The following AADAC variants were observed in gnomAD, a reference collection of about 807,000 sequenced individuals.
AADAC encodes the protein arylacetamide deacetylase (esterase).
A neutral mutation model predicts 22.7 loss-of-function variants in AADAC; 17 were observed. The observed-to-expected ratio is 0.75, with a 90% CI of 0.51 to 1.12. The LOEUF is 1.12. Among genes scored for constraint, AADAC ranks in the 50% most tolerant of loss-of-function variants. AADAC has a pLI of 0.00. For synonymous variants in AADAC, 167 were observed against 176.3 expected, an observed-to-expected ratio of 0.95 and a Z score of 0.42; for missense variants, 465 against 473.9, an observed-to-expected ratio of 0.98 and a Z score of 0.17.
Position 151,828,099 on chromosome 3 carries a change from T to A in AADAC, c.1127T>A (p.Phe376Tyr), listed in dbSNP as rs1716586788. The A allele has an allele frequency of 6.2e-7, 1 of 1,610,240 alleles. No individual in the cohort carries two copies. The highest frequency in any genetic ancestry group is 1.3e-5 in the African/African-American group (1 of 74,776). The change falls in exon 5 of 5, where the codon TTT becomes TAT. Residue 376 changes from phenylalanine (F) to tyrosine (Y), a missense_variant. Physicochemically the swap from Phe to Tyr is conservative, Grantham distance 22. Coordinates refer to ENST00000232892, the MANE Select transcript of AADAC (RefSeq NM_001086.3). ...NHVEDGFHGA[F>Y]SFLGLKISHR... Reference sequence around the variant, plus strand: ...GTTGAGGATGGATTCCATGGAGCATTTTCATTTCTGGGACTTAAAATTAGT... The same window carrying A: ...GTTGAGGATGGATTCCATGGAGCATATTCATTTCTGGGACTTAAAATTAGT...
Position 151,824,685 on chromosome 3 carries a change from C to T in AADAC, c.454C>T (p.His152Tyr). ...CAGCTACAGATTAGCACCTAAGTAT[C>T]ATTTCCCAATTCAATTTGAAGATGT... Reference protein sequence around the residue: ...STNYRLAPKYHFPIQFEDVYN... With the variant: ...STNYRLAPKYYFPIQFEDVYN... The change falls in exon 4 of 5, where the codon CAT becomes TAT. Residue 152 changes from histidine (H) to tyrosine (Y), a missense_variant. Coordinates refer to ENST00000232892, the MANE Select transcript of AADAC (RefSeq NM_001086.3). The T allele has an allele frequency of 6.3e-7, 1 of 1,581,526 alleles. No individual in the cohort carries two copies. The highest frequency in any genetic ancestry group is 8.6e-7 in the Non-Finnish European group (1 of 1,166,334).
chr3:151,817,805 T>C (rs1716056556), intron 2 of AADAC, among the ~76,000 whole-genome samples: 1 of 151,708 alleles, frequency 6.6e-6, no homozygotes, highest in Non-Finnish European at 1.5e-5. Context: ...GAGAAGAAAC[T>C]TTTTTTTTCT....
At chr3:151,827,098 C>G (rs1716527696) in intron 4 of AADAC, among the ~76,000 whole-genome samples, 1 of 151,582 alleles carries the variant, frequency 6.6e-6, no homozygotes, top group South Asian at 2.1e-4. Flanking sequence ...TATTTTTAGT[C>G]AAGACGGGTT....
At position 151,818,682 on chromosome 3, in the gene AADAC, A is replaced by G. The variant is rs2108027911; in HGVS notation, c.361+1094A>G. On this transcript the variant is annotated intron_variant, in intron 2 of 4. Transcript: ENST00000232892. ...ACAAGAGTAGATTACACATCCAATT[A>G]AGTTACAACTCACTGTGTATCAAGA... Among the ~76,000 whole-genome samples, 3 of 152,252 alleles carry G rather than the reference A, an allele frequency of 2.0e-5. No individual in the cohort carries two copies. In the Middle Eastern group the frequency reaches 0.01, roughly 518 times the overall value.
intron 2 of AADAC, among the ~76,000 whole-genome samples, chr3:151,819,055 A>G (rs1850964): frequency 0.19 from 28,564 of 151,894 alleles, 2,912 homozygotes; most frequent in Middle Eastern, 0.25. Flanking sequence ...CAGGCTTGAA[A>G]TTAAGCAAAT....
chr3:151,826,076 G>A (rs1244548274), intron 4 of AADAC, among the ~76,000 whole-genome samples: 1 of 151,866 alleles, frequency 6.6e-6, no homozygotes, highest in Non-Finnish European at 1.5e-5. Flanking sequence ...GCTGTTATTT[G>A]TTTTGTTAAT....
Position 151,820,429 on chromosome 3 carries a change from T to C in AADAC, c.408T>C (p.Leu136=). Residue 136 remains leucine, a synonymous_variant, in exon 3 of 5, where the codon CTT becomes CTC. Transcript: ENST00000232892. ...TGTCAAGATGGACAGCAGACAGACT[T>C]GATGCTGTCGTCGTATCAACCAAGT... is the stretch of plus-strand genomic sequence containing the variant. ...DLLSRWTADR[L]DAVVVSTNYR... 1 of 1,589,494 alleles carries C rather than the reference T, an allele frequency of 6.3e-7. No homozygotes were observed. Among genetic ancestry groups the C allele is most frequent in the Non-Finnish European group, 8.6e-7 (1 of 1,166,074 alleles).
chr3:151,822,384 G>A (rs1716287521), intron 3 of AADAC, among the ~76,000 whole-genome samples: 1 of 151,948 alleles, frequency 6.6e-6, no homozygotes, highest in Admixed American at 6.6e-5. Flanking sequence ...AACCTTAAAA[G>A]TGGAAGCAAC....
At chr3:151,826,710 T>A (rs1433531640) in intron 4 of AADAC, among the ~76,000 whole-genome samples, 2 of 151,928 alleles carry the variant, frequency 1.3e-5, no homozygotes, top group Non-Finnish European at 2.9e-5. Context: ...GGTATTGGTA[T>A]ATCCCTCTTT....
At chr3:151,823,523 T>C (rs190061348) in intron 3 of AADAC, among the ~76,000 whole-genome samples, 44 of 152,072 alleles carry the variant, frequency 2.9e-4, no homozygotes, top group African/African-American at 9.6e-4. Context: ...TATGAAAATG[T>C]ACTGTATACA....
At chr3:151,826,925 A>AT (rs1202119985) in intron 4 of AADAC, among the ~76,000 whole-genome samples, 1 of 151,704 alleles carries the variant, frequency 6.6e-6, no homozygotes, top group Non-Finnish European at 1.5e-5. Flanking sequence ...TTAATAATAT[A>AT]TTTTTTTGAG....
intron 1 of AADAC, among the ~76,000 whole-genome samples, chr3:151,815,019 T>G (rs1391174133): frequency 6.6e-6 from 1 of 152,090 alleles, no homozygotes; most frequent in Admixed American, 6.5e-5. Context: ...TTTGCATTTA[T>G]TCAACAATTC....
intron 2 of AADAC, among the ~76,000 whole-genome samples, chr3:151,818,831 A>G (rs1005959263): frequency 6.6e-6 from 1 of 152,062 alleles, no homozygotes; most frequent in African/African-American, 2.4e-5. Context: ...AAAGACAAAA[A>G]CATTTAGAAG....
In AADAC at chr3:151,827,863, T is replaced by A. The variant is rs1303900935; in HGVS notation, c.891T>A (p.Tyr297Ter). 6.2e-7 allele frequency: 1 copy of A among 1,613,036 alleles called. No homozygotes were observed. Among genetic ancestry groups the A allele is most frequent in the Non-Finnish European group, 8.5e-7 (1 of 1,179,526 alleles). Residue 297 changes from tyrosine to a stop codon, truncating the protein, a stop_gained, in exon 5 of 5, where the codon TAT (tyrosine) becomes TAA (stop). Coordinates refer to ENST00000232892, the MANE Select transcript of AADAC (RefSeq NM_001086.3). LOFTEE classifies it low-confidence loss of function (END_TRUNC). ...AGAGGTTTATAAAAGGACATGTTTA[T>A]AACAATCCAAATTATGGCAGTTCTG... Reference protein sequence around the residue: ...LPERFIKGHVYNNPNYGSSEL... With the variant: ...LPERFIKGHV
intron 1 of AADAC, among the ~76,000 whole-genome samples, chr3:151,815,143 A>T (rs1715930151): frequency 6.6e-6 from 1 of 152,042 alleles, no homozygotes; most frequent in South Asian, 2.1e-4. Context: ...TTAGTTCATG[A>T]GAAGTACCTT....
Position 151,827,986 on chromosome 3 carries a change from C to G in AADAC, c.1014C>G (p.Ile338Met). The G allele has an allele frequency of 6.2e-7, 1 of 1,613,020 alleles. No homozygotes were observed. The highest frequency in any genetic ancestry group is 8.5e-7 in the Non-Finnish European group (1 of 1,179,338). ...KLRGLPLTYV[I>M]TCQYDLLRDD... ...GTGGCTTACCCCTGACCTATGTCAT[C>G]ACCTGTCAATATGATCTCTTAAGAG... Residue 338 changes from isoleucine to methionine, a missense_variant, in exon 5 of 5, where the codon ATC becomes ATG. By Grantham distance (10) the Ile-to-Met change is conservative (BLOSUM62 1). Transcript: ENST00000232892.
In AADAC at chr3:151,820,516, C is replaced by CTTTTTTT. The variant is rs34039248; in HGVS notation, c.431+77_431+83dup. 607 of 412,666 alleles carry CTTTTTTT rather than the reference C, an allele frequency of 1.5e-3. 1 individual carries two copies. Among genetic ancestry groups the CTTTTTTT allele is most frequent in the South Asian group, 2.8e-3 (58 of 20,694 alleles). 25.6% of individuals were successfully genotyped at this position (412,666 alleles called of 1,614,324 possible). ...GACATGCCAAGATTTTCTCAGCTTT[C>CTTTTTTT]TTTTTTTTTTTTTTTTTTTGTGATG... is the stretch of plus-strand genomic sequence containing the variant. On this transcript the variant is annotated intron_variant, in intron 3 of 4. Coordinates refer to ENST00000232892, the MANE Select transcript of AADAC (RefSeq NM_001086.3).
At chr3:151,827,548 G>T (rs765058070) in intron 4 of AADAC, 28 bp from the exon 5 acceptor site, 3 of 1,402,948 alleles carry the variant, frequency 2.1e-6, no homozygotes, top group Admixed American at 4.5e-5. Flanking sequence ...AAATGAAAAT[G>T]ATTTGTGCAA....
intron 3 of AADAC, among the ~76,000 whole-genome samples, chr3:151,822,348 G>T (rs895056819): frequency 5.9e-5 from 9 of 151,918 alleles, no homozygotes; most frequent in African/African-American, 1.9e-4. Flanking sequence ...ATAAAAACTT[G>T]TATGTTCACA....
Sources: allele counts gnomAD v4.1 joint callset (sites outside exome capture counted in the v4.1 genomes callset), GRCh38; gene constraint gnomAD v4.1.1; transcripts MANE v1.5; gene names NCBI Gene and HGNC (gene_info 2026-07-23, HGNC 2026-07-21).